The following HSPA4 variants were observed in gnomAD, a reference collection of about 807,000 sequenced individuals.
HSPA4 encodes the protein heat shock 70 kDa protein 4.
HSPA4 carries 25 observed loss-of-function variants against 106.2 expected under a neutral mutation model. That is an observed-to-expected ratio of 0.24 (90% CI 0.17 to 0.33). The LOEUF (loss-of-function observed/expected upper bound fraction) is 0.33, where lower values mean the gene tolerates loss of function less well. Among genes scored for constraint, HSPA4 ranks in the 10% least tolerant of loss-of-function variants. The probability of loss-of-function intolerance (pLI) is 1.00; values close to 1 mark genes in which losing one functional copy is unlikely to be tolerated. For synonymous variants in HSPA4, 332 were observed against 333.6 expected, an observed-to-expected ratio of 1.00 and a Z score of 0.05; for missense variants, 841 against 996.0, an observed-to-expected ratio of 0.84 and a Z score of 2.10.
intron 6 of HSPA4, 32 bp from the exon 7 acceptor site, chr5:133,076,618 GTTAA>G (rs746478381): frequency 6.3e-7 from 1 of 1,587,946 alleles, no homozygotes; most frequent in Non-Finnish European, 8.6e-7. Flanking sequence ...AAATCGATTG[GTTAA>G]TTGTTAGATT....
chr5:133,055,546 T>C (rs939785769), intron 1 of HSPA4, among the ~76,000 whole-genome samples: 2 of 152,208 alleles, frequency 1.3e-5, no homozygotes, highest in African/African-American at 2.4e-5. Context: ...CCCTTGATTT[T>C]CCACCCAATT....
rs1219195908 is a variant in HSPA4, at chr5:133,052,334, T to C, written c.84T>C (p.Asn28=). The part of the protein sequence containing the change: ...ARAGGIETIA[N]EYSDRCTPAC... ...CCGGCGGCATCGAGACTATCGCTAA[T>C]GAGTATAGCGACCGCTGCACGCCGT... Residue 28 remains asparagine, a synonymous_variant, in exon 1 of 19, where the codon AAT becomes AAC. Coordinates refer to ENST00000304858, the MANE Select transcript of HSPA4 (RefSeq NM_002154.4). The C allele has an allele frequency of 1.5e-5, 23 of 1,573,690 alleles. No individual in the cohort carries two copies. The highest frequency in any genetic ancestry group is 3.4e-4 in the Middle Eastern group (2 of 5,970).
chr5:133,094,977 G>A (rs541714991), intron 13 of HSPA4, among the ~76,000 whole-genome samples: 1 of 152,292 alleles, frequency 6.6e-6, no homozygotes, highest in South Asian at 2.1e-4. Flanking sequence ...AAGATGGATA[G>A]ATTTGACAGT....
At position 133,104,514 on chromosome 5, in the gene HSPA4, C is replaced by A; in HGVS notation, c.*78C>A. On this transcript the variant is annotated 3_prime_UTR_variant, in exon 19 of 19. Transcript: ENST00000304858. The stretch of plus-strand genomic sequence containing the variant: ...ACTTTGTTCTAAATATCAACTAGCG[C>A]AAGTGAATACTGAAGATTTCTTAGT... 7.9e-7 allele frequency: 1 copy of A among 1,265,092 alleles called. No individual in the cohort carries two copies. Among genetic ancestry groups the A allele is most frequent in the Non-Finnish European group, 1.1e-6 (1 of 886,860 alleles). The allele number at this position is 1,265,092 out of a possible 1,614,324, so 78.4% of individuals were successfully genotyped here.
intron 1 of HSPA4, among the ~76,000 whole-genome samples, chr5:133,054,237 C>G (rs779672521): frequency 6.6e-6 from 1 of 152,010 alleles, no homozygotes. Flanking sequence ...GAGTCTTACT[C>G]TGTTCCCTAC....
intron 17 of HSPA4, 32 bp from the exon 18 acceptor site, chr5:133,103,833 T>C (rs769200284): frequency 7.5e-6 from 12 of 1,597,628 alleles, no homozygotes; most frequent in African/African-American, 1.3e-5. Context: ...TATCACACTT[T>C]TAGCACTTGT....
chr5:133,094,392 C>T (rs1561585567), intron 13 of HSPA4, among the ~76,000 whole-genome samples: 1 of 152,036 alleles, frequency 6.6e-6, no homozygotes, highest in Non-Finnish European at 1.5e-5. Context: ...GGCTTAAGTC[C>T]GTTGTATATT....
chr5:133,059,474 A>G (rs1468289644), intron 1 of HSPA4, among the ~76,000 whole-genome samples: 1 of 150,112 alleles, frequency 6.7e-6, no homozygotes, highest in African/African-American at 2.5e-5. Flanking sequence ...TTAGCTAGGC[A>G]TGGTGGTACA....
Position 133,067,538 on chromosome 5 carries a change from C to T in HSPA4, c.287C>T (p.Thr96Ile). 1 of 1,613,168 alleles carries T rather than the reference C, an allele frequency of 6.2e-7. No individual in the cohort carries two copies. Among genetic ancestry groups the T allele is most frequent in the Non-Finnish European group, 8.5e-7 (1 of 1,179,540 alleles). Residue 96 changes from threonine (T) to isoleucine (I), a missense_variant, in exon 3 of 19, where the codon ACA becomes ATA. Transcript: ENST00000304858. The stretch of plus-strand genomic sequence containing the variant: ...GCATATGATATTGTGCAGTTGCCTA[C>T]AGGATTAACAGGTATAAAGGTAAGG... ...NLAYDIVQLP[T>I]GLTGIKVTYM...
intron 1 of HSPA4, among the ~76,000 whole-genome samples, chr5:133,056,877 A>G (rs747245949): frequency 2.0e-5 from 3 of 152,208 alleles, no homozygotes; most frequent in African/African-American, 7.2e-5. Context: ...AGTTAAAACT[A>G]TAACTTATAC....
intron 6 of HSPA4, chr5:133,075,915 A>T (rs1361233638): frequency 6.6e-6 from 1 of 152,208 alleles, no homozygotes; most frequent in African/African-American, 2.4e-5. Context: ...ATTTTCTAAG[A>T]AAACAGAATT....
intron 3 of HSPA4, among the ~76,000 whole-genome samples, chr5:133,069,642 T>C (rs1765356454): frequency 6.6e-6 from 1 of 152,220 alleles, no homozygotes; most frequent in Non-Finnish European, 1.5e-5. Context: ...GACAAATGCA[T>C]GTCCTCATAT....
chr5:133,089,093 T>A lies in HSPA4; in HGVS notation c.1176T>A (p.Phe392Leu), dbSNP rs750931762. ...ILSPAFKVRE[F>L]SITDVVPYPI... ...CGCCTGCTTTCAAAGTCAGAGAATT[T>A]TCTATCACTGATGTAGTACCATATC... Residue 392 changes from phenylalanine (F) to leucine (L), a missense_variant, in exon 10 of 19, where the codon TTT (phenylalanine) becomes TTA (leucine). By Grantham distance (22) the Phe-to-Leu change is conservative. Coordinates refer to ENST00000304858, the MANE Select transcript of HSPA4 (RefSeq NM_002154.4). 6 of 1,602,134 alleles carry A rather than the reference T, an allele frequency of 3.7e-6. No homozygotes were observed. In the South Asian group the frequency reaches 6.8e-5, roughly 18 times the overall value.
rs2126696865 is a variant in HSPA4, at chr5:133,064,976, C to T, written c.108-4C>T. 1 of 1,612,674 alleles carries T rather than the reference C, an allele frequency of 6.2e-7. No homozygotes were observed. The highest frequency in any genetic ancestry group is 1.3e-5 in the African/African-American group (1 of 74,944). On this transcript the variant is annotated splice_region_variant and splice_polypyrimidine_tract_variant and intron_variant, in intron 1 of 18. Coordinates refer to ENST00000304858, the MANE Select transcript of HSPA4 (RefSeq NM_002154.4). The stretch of plus-strand genomic sequence containing the variant: ...AATTCTTAAGTGCTTTTTTTGTCTT[C>T]TAGGGCTTGCATTTCTTTTGGTCCT...
intron 18 of HSPA4, 53 bp from the exon 19 acceptor site, chr5:133,104,180 T>C: frequency 6.4e-7 from 1 of 1,572,520 alleles, no homozygotes. Flanking sequence ...TAGCATGGCT[T>C]GTAAAATTTG....
Position 133,098,545 on chromosome 5 carries a change from G to A in HSPA4, c.1930-1000G>A, listed in dbSNP as rs910318782. Among the ~76,000 whole-genome samples, 289 of 151,262 alleles carry A rather than the reference G, an allele frequency of 1.9e-3. 3 individuals carry two copies. Among genetic ancestry groups the A allele is most frequent in the Non-Finnish European group, 4.3e-4 (29 of 67,814 alleles). On this transcript the variant is annotated intron_variant, in intron 15 of 18. Transcript: ENST00000304858. ...TCACCGTGTTAGCCAGGATGGTCTCGATCTCCTGACTTCGTGATCCACCTG... is the reference window on the plus strand; with the variant it reads ...TCACCGTGTTAGCCAGGATGGTCTCAATCTCCTGACTTCGTGATCCACCTG...
At chr5:133,088,981 G>A in intron 9 of HSPA4, 74 bp from the exon 10 acceptor site, 1 of 676,598 alleles carries the variant, frequency 1.5e-6, no homozygotes, top group Non-Finnish European at 2.5e-6. Context: ...GAAGTAATTT[G>A]TATGTTTAAG....
chr5:133,104,353 G>T lies in HSPA4; in HGVS notation c.2440G>T (p.Gly814Cys). The T allele has an allele frequency of 6.2e-7, 1 of 1,614,176 alleles. No individual in the cohort carries two copies. Among genetic ancestry groups the T allele is most frequent in the Non-Finnish European group, 8.5e-7 (1 of 1,180,034 alleles). The stretch of plus-strand genomic sequence containing the variant: ...AGTGGATGGACAAGGAGACAACCCA[G>T]GCCCCCAGGCTGCTGAGCAGGGTAC... ...GPVDGQGDNP[G>C]PQAAEQGTDT... Residue 814 changes from glycine to cysteine, a missense_variant, in exon 19 of 19, where the codon GGC (glycine) becomes TGC (cysteine). Gly to Cys is a radical substitution (Grantham distance 159). Coordinates refer to ENST00000304858, the MANE Select transcript of HSPA4 (RefSeq NM_002154.4).
intron 7 of HSPA4, among the ~76,000 whole-genome samples, chr5:133,083,267 G>A (rs867925818): frequency 3.3e-5 from 5 of 150,710 alleles, no homozygotes; most frequent in South Asian, 2.1e-4. Context: ...AGCTGAGATC[G>A]TGCCACTGCA....
Sources: allele counts gnomAD v4.1 joint callset (sites outside exome capture counted in the v4.1 genomes callset), GRCh38; gene constraint gnomAD v4.1.1; transcripts MANE v1.5; gene names NCBI Gene and HGNC (gene_info 2026-07-23, HGNC 2026-07-21).